GPT2: variants seen among roughly 807,000 people sequenced by gnomAD.
The protein encoded by GPT2 is glutamic--pyruvic transaminase 2.
Under a neutral mutation model 56.9 loss-of-function variants are expected in GPT2, and 30 were observed. The ratio of observed to expected loss-of-function variants is 0.53; its 90% CI spans 0.39 to 0.72. The LOEUF is 0.72. Ranked by LOEUF, GPT2 falls within the 30% of genes least tolerant of loss-of-function variation. The pLI is 0.00. For missense variants in GPT2, 542 were observed against 703.4 expected, an observed-to-expected ratio of 0.77 and a Z score of 2.60; for synonymous variants, 271 against 283.1, an observed-to-expected ratio of 0.96 and a Z score of 0.43.
intron 1 of GPT2, 86 bp downstream of exon 1, chr16:46,884,553 G>C: frequency 1.1e-6 from 1 of 871,210 alleles, no homozygotes. Context: ...TGGAGGGTCC[G>C]GGTCGCCGGG....
chr16:46,899,772 C>T (rs1290103121), intron 3 of GPT2, among the ~76,000 whole-genome samples: 1 of 152,198 alleles, frequency 6.6e-6, no homozygotes, highest in East Asian at 1.9e-4. Context: ...CCCTCATGGG[C>T]CTGGGTTTAA....
intron 11 of GPT2, 44 bp from the exon 12 acceptor site, chr16:46,928,863 A>G (rs1467829544): frequency 2.7e-6 from 4 of 1,468,500 alleles, no homozygotes; most frequent in Non-Finnish European, 3.8e-6. Flanking sequence ...TTCCTCTCCC[A>G]TCTTGCAGAG....
At chr16:46,912,955 G>A (rs1032844396) in intron 6 of GPT2, among the ~76,000 whole-genome samples, 4 of 152,196 alleles carry the variant, frequency 2.6e-5, no homozygotes, top group African/African-American at 4.8e-5. Context: ...AGCTTTTGGG[G>A]AATTAATTTG....
At chr16:46,928,033 G>A (rs1380414589) in intron 11 of GPT2, among the ~76,000 whole-genome samples, 1 of 152,180 alleles carries the variant, frequency 6.6e-6, no homozygotes, top group African/African-American at 2.4e-5. Flanking sequence ...AGAAAGTTCT[G>A]ATCAGTGGTC....
chr16:46,921,002 C>T (rs1961276450), intron 8 of GPT2, among the ~76,000 whole-genome samples: 1 of 152,194 alleles, frequency 6.6e-6, no homozygotes. Flanking sequence ...CTCTGCTCAT[C>T]AGCAAAGGAT....
intron 7 of GPT2, 89 bp from the exon 8 acceptor site, chr16:46,918,532 C>A: frequency 1.4e-6 from 2 of 1,475,054 alleles, no homozygotes; most frequent in Non-Finnish European, 1.9e-6. Flanking sequence ...TCATGGCCCA[C>A]AGCACCTGTG....
At chr16:46,899,027 ATATATATAT>A (rs1364246723) in intron 3 of GPT2, among the ~76,000 whole-genome samples, 3 of 6,840 alleles carry the variant, frequency 4.4e-4, no homozygotes, top group African/African-American at 1.3e-3. Context: ...ATATATATAT[ATATATATAT>A]TTTTTTTTTT....
chr16:46,916,740 C>G, intron 7 of GPT2, 33 bp downstream of exon 7: 2 of 1,445,708 alleles, frequency 1.4e-6, no homozygotes, highest in Non-Finnish European at 1.9e-6. Flanking sequence ...GGAGTGGGCA[C>G]TAGCTTTCTC....
rs544850409 is a variant in GPT2 at position 46,899,972 on chromosome 16, T to C, written c.334-710T>C. On this transcript the variant is annotated intron_variant, in intron 3 of 11. Coordinates refer to ENST00000340124, the MANE Select transcript of GPT2 (RefSeq NM_133443.4). ...GGCGGGCAGGCCAGCTCAGTGCCCATTGTGCAGATGAAGAGAAGCTGGGCT... is the reference window on the plus strand; with the variant it reads ...GGCGGGCAGGCCAGCTCAGTGCCCACTGTGCAGATGAAGAGAAGCTGGGCT... Among the ~76,000 whole-genome samples, 11 of 152,252 alleles carry C rather than the reference T, an allele frequency of 7.2e-5. No individual in the cohort carries two copies. The South Asian group carries it at 2.3e-3, about 32-fold the overall frequency.
At chr16:46,915,157 C>G (rs1961118399) in intron 6 of GPT2, 1 of 152,114 alleles carries the variant, frequency 6.6e-6, no homozygotes, top group Non-Finnish European at 1.5e-5. Flanking sequence ...GCGGTCCTCC[C>G]ACCCTGGCCT....
At chr16:46,893,521 C>T (rs1472997779) in intron 2 of GPT2, among the ~76,000 whole-genome samples, 2 of 152,178 alleles carry the variant, frequency 1.3e-5, no homozygotes, top group Non-Finnish European at 2.9e-5. Flanking sequence ...TTCCGTGGGC[C>T]GCCTTTTTGT....
chr16:46,904,293 C>T (rs1960878373), intron 4 of GPT2, among the ~76,000 whole-genome samples: 1 of 152,202 alleles, frequency 6.6e-6, no homozygotes, highest in South Asian at 2.1e-4. Context: ...CACCTGTAAT[C>T]CTAGCACTTT....
intron 5 of GPT2, among the ~76,000 whole-genome samples, chr16:46,908,394 G>C (rs1191920258): frequency 6.6e-6 from 1 of 152,108 alleles, no homozygotes; most frequent in Admixed American, 6.5e-5. Flanking sequence ...GGGGTGGGGG[G>C]ACTGGTTGCC....
intron 3 of GPT2, among the ~76,000 whole-genome samples, chr16:46,900,274 G>A (rs1013431562): frequency 3.9e-5 from 6 of 152,126 alleles, no homozygotes; most frequent in African/African-American, 1.4e-4. Flanking sequence ...CTAGGGCGTT[G>A]AGGGAGCTCA....
intron 2 of GPT2, among the ~76,000 whole-genome samples, chr16:46,888,021 A>G (rs1032501070): frequency 3.3e-5 from 5 of 152,160 alleles, no homozygotes; most frequent in African/African-American, 1.2e-4. Context: ...GCTGCAATTA[A>G]AAGGAGTTTT....
At chr16:46,928,874 C>A in intron 11 of GPT2, 33 bp from the exon 12 acceptor site, 1 of 1,527,468 alleles carries the variant, frequency 6.5e-7, no homozygotes, top group Non-Finnish European at 9.1e-7. Context: ...TCTTGCAGAG[C>A]AGCCAGGCTG....
chr16:46,914,063 G>A (rs577431015), intron 6 of GPT2, among the ~76,000 whole-genome samples: 8 of 152,324 alleles, frequency 5.3e-5, no homozygotes, highest in African/African-American at 1.7e-4. Context: ...TTATAGTGGT[G>A]GTTTTCCAGA....
chr16:46,898,069 C>CG (rs1186577631), intron 3 of GPT2, among the ~76,000 whole-genome samples: 1 of 152,010 alleles, frequency 6.6e-6, no homozygotes, highest in Non-Finnish European at 1.5e-5. Context: ...GAGGAGGCGT[C>CG]GGGGGGCAGC....
intron 5 of GPT2, among the ~76,000 whole-genome samples, chr16:46,908,046 G>C (rs1960971000): frequency 6.6e-6 from 1 of 150,830 alleles, no homozygotes; most frequent in Non-Finnish European, 1.5e-5. Flanking sequence ...TCCTGGGCTT[G>C]GGGGACTGGT....
Sources: allele counts gnomAD v4.1 joint callset (sites outside exome capture counted in the v4.1 genomes callset), GRCh38; gene constraint gnomAD v4.1.1; transcripts MANE v1.5; gene names NCBI Gene and HGNC (gene_info 2026-07-23, HGNC 2026-07-21).